DTNA: variants seen among roughly 807,000 people sequenced by gnomAD.
DTNA encodes the protein dystrobrevin alpha, also known as dystrophin-related protein 3.
A neutral mutation model predicts 100.7 loss-of-function variants in DTNA; 43 were observed. The ratio of observed to expected loss-of-function variants is 0.43; its 90% CI spans 0.33 to 0.55. The LOEUF (loss-of-function observed/expected upper bound fraction) is 0.55, where lower values mean the gene tolerates loss of function less well. Among genes scored for constraint, DTNA ranks in the 20% least tolerant of loss-of-function variants. The pLI is 0.04. For missense variants in DTNA, 798 were observed against 953.9 expected (o/e 0.84, Z 2.15); for synonymous variants, 349 against 347.9 (o/e 1.00, Z -0.04).
In DTNA at chr18:34,681,735, A is replaced by C. The variant is rs200424364; in HGVS notation, c.-1-74241A>C. ...ACACACACACACACACACACACCCC[A>C]CACACACACACCCTATGGACATCCT... On this transcript the variant is annotated intron_variant, in intron 1 of 19. Transcript: ENST00000283365. Among the ~76,000 whole-genome samples the C allele has an allele frequency of 9.5e-3, 1,404 of 147,756 alleles. 10 individuals carry two copies. The highest frequency in any genetic ancestry group is 0.024 in the Middle Eastern group (7 of 292).
intron 1 of DTNA, among the ~76,000 whole-genome samples, chr18:34,739,648 ACT>A (rs1291870041): frequency 6.6e-6 from 1 of 152,152 alleles, no homozygotes; most frequent in East Asian, 1.9e-4. Context: ...TGTTTTTTAC[ACT>A]AGAAGGAGGA....
chr18:34,704,110 T>C (rs1426819146), intron 1 of DTNA, among the ~76,000 whole-genome samples: 1 of 152,254 alleles, frequency 6.6e-6, no homozygotes, highest in Middle Eastern at 3.2e-3. Flanking sequence ...ATAATTAACT[T>C]TGTGTGTCTA....
At chr18:34,521,511 T>C (rs1334067634) in intron 1 of DTNA, among the ~76,000 whole-genome samples, 1 of 152,160 alleles carries the variant, frequency 6.6e-6, no homozygotes, top group East Asian at 1.9e-4. Context: ...AGGTTAAAAA[T>C]CAGTTCCCTT....
chr18:34,645,293 G>A (rs948629066), intron 1 of DTNA, among the ~76,000 whole-genome samples: 1 of 152,078 alleles, frequency 6.6e-6, no homozygotes, highest in Non-Finnish European at 1.5e-5. Context: ...AACACTTATA[G>A]TGAAACCTGC....
intron 3 of DTNA, among the ~76,000 whole-genome samples, chr18:34,780,866 T>C (rs1252611797): frequency 6.6e-6 from 1 of 152,160 alleles, no homozygotes; most frequent in Non-Finnish European, 1.5e-5. Context: ...CCTTGTCCAA[T>C]GCACTCCAGA....
chr18:34,889,111 T>C lies in DTNA; in HGVS notation c.*1377T>C. On this transcript the variant is annotated 3_prime_UTR_variant, in exon 23 of 23. Coordinates refer to ENST00000444659, the MANE Select transcript of DTNA (RefSeq NM_001386795.1). ...TGGGGAAAAAGAAAAAGTAATCTTC[T>C]ACTTGCTTCAAGATTTGATTTTTTT... 1.0e-6 allele frequency: 1 copy of C among 982,176 alleles called. No homozygotes were observed. Among genetic ancestry groups the C allele is most frequent in the African/African-American group, 1.8e-5 (1 of 54,762 alleles). 60.8% of individuals were successfully genotyped at this position (982,176 alleles called of 1,614,324 possible).
At chr18:34,757,272 A>G (rs2092838540) in intron 2 of DTNA, 1 of 152,210 alleles carries the variant, frequency 6.6e-6, no homozygotes, top group African/African-American at 2.4e-5. Flanking sequence ...TACAAATCCA[A>G]CAGAGCAAGG....
At chr18:34,621,867 C>G (rs1248702017) in intron 1 of DTNA, among the ~76,000 whole-genome samples, 1 of 152,032 alleles carries the variant, frequency 6.6e-6, no homozygotes, top group Non-Finnish European at 1.5e-5. Context: ...GTTAATGAGC[C>G]AAATTTAACT....
intron 1 of DTNA, among the ~76,000 whole-genome samples, chr18:34,739,013 C>T (rs954771358): frequency 1.3e-5 from 2 of 152,104 alleles, no homozygotes; most frequent in Admixed American, 6.6e-5. Context: ...AATGATCACC[C>T]ATGTACTGAA....
At chr18:34,800,486 T>C (rs899643739) in intron 4 of DTNA, among the ~76,000 whole-genome samples, 5 of 152,218 alleles carry the variant, frequency 3.3e-5, no homozygotes, top group East Asian at 3.9e-4. Flanking sequence ...AGATAAAAAA[T>C]GTGTTATAGT....
At chr18:34,534,324 A>G (rs770130750) in intron 1 of DTNA, among the ~76,000 whole-genome samples, 2 of 152,038 alleles carry the variant, frequency 1.3e-5, no homozygotes, top group African/African-American at 4.8e-5. Flanking sequence ...TTAAAATAGT[A>G]TTTTTTAATA....
At chr18:34,638,552 T>A (rs2058905033) in intron 1 of DTNA, among the ~76,000 whole-genome samples, 1 of 152,248 alleles carries the variant, frequency 6.6e-6, no homozygotes, top group East Asian at 1.9e-4. Context: ...TAAAGGGACT[T>A]TGCATACTCT....
chr18:34,699,994 C>T (rs537762194), intron 1 of DTNA, among the ~76,000 whole-genome samples: 29 of 152,246 alleles, frequency 1.9e-4, no homozygotes, highest in Admixed American at 7.8e-4. Context: ...TTCTCTCTGG[C>T]GTTCAATTAA....
chr18:34,815,804 TTATTGAG>T, intron 6 of DTNA, 98 bp from the exon 7 acceptor site: 1 of 991,886 alleles, frequency 1.0e-6, no homozygotes, highest in Non-Finnish European at 1.6e-6. Flanking sequence ...TATTAGACAT[TTATTGAG>T]TGCTCTTTTG....
At chr18:34,771,408 A>T (rs1280623996) in intron 3 of DTNA, among the ~76,000 whole-genome samples, 20 of 152,254 alleles carry the variant, frequency 1.3e-4, no homozygotes, top group African/African-American at 4.6e-4. Flanking sequence ...CTAAGGCAGG[A>T]GAATGGCATG....
chr18:34,802,412 C>A (rs893724446), intron 4 of DTNA, among the ~76,000 whole-genome samples: 1 of 152,204 alleles, frequency 6.6e-6, no homozygotes, highest in African/African-American at 2.4e-5. Context: ...CTTTCTGCTT[C>A]CTAGACACTT....
intron 1 of DTNA, among the ~76,000 whole-genome samples, chr18:34,723,644 A>G (rs1463071257): frequency 6.6e-6 from 1 of 152,210 alleles, no homozygotes; most frequent in Non-Finnish European, 1.5e-5. Context: ...CAGGCCTGTA[A>G]TCCTAGCAAT....
intron 1 of DTNA, among the ~76,000 whole-genome samples, chr18:34,677,219 A>G (rs1415317000): frequency 6.6e-6 from 1 of 152,210 alleles, no homozygotes; most frequent in East Asian, 1.9e-4. Flanking sequence ...CCCAAGGTGT[A>G]AATTTTATTA....
chr18:34,869,911 C>T (rs1191841016), intron 17 of DTNA, among the ~76,000 whole-genome samples: 1 of 152,228 alleles, frequency 6.6e-6, no homozygotes, highest in East Asian at 1.9e-4. Flanking sequence ...GTCCCAGCTA[C>T]TCGGGAGGCT....
Sources: allele counts gnomAD v4.1 joint callset (sites outside exome capture counted in the v4.1 genomes callset), GRCh38; gene constraint gnomAD v4.1.1; transcripts MANE v1.5; gene names NCBI Gene and HGNC (gene_info 2026-07-23, HGNC 2026-07-21).